SYNGR3: variants seen among roughly 807,000 people sequenced by gnomAD.
SYNGR3 encodes synaptogyrin-3.
In SYNGR3, 10 loss-of-function variants were observed where a neutral mutation model predicts 18.5. The observed-to-expected ratio is 0.54, with a 90% CI of 0.33 to 0.92. The LOEUF (loss-of-function observed/expected upper bound fraction) is 0.92. Among genes scored for constraint, SYNGR3 ranks in the 40% least tolerant of loss-of-function variants. SYNGR3 has a pLI of 0.02. For synonymous variants in SYNGR3, 188 were observed against 157.2 expected (o/e 1.20, Z -1.47); for missense variants, 335 against 332.8 (o/e 1.01, Z -0.05).
At chr16:1,990,604 C>A in intron 1 of SYNGR3, 1 of 402,040 alleles carries the variant, frequency 2.5e-6, no homozygotes. Context: ...AAGCGCCTCC[C>A]CTTCCCCCGC....
Position 1,993,160 on chromosome 16 carries a change from T to C in SYNGR3, c.*88T>C. 1 of 1,473,906 alleles carries C rather than the reference T, an allele frequency of 6.8e-7. No individual in the cohort carries two copies. Among genetic ancestry groups the C allele is most frequent in the Admixed American group, 2.0e-5 (1 of 48,794 alleles). The allele number at this position is 1,473,906 out of a possible 1,614,324, so 91.3% of individuals were successfully genotyped here. On this transcript the variant is annotated 3_prime_UTR_variant, in exon 4 of 4. Coordinates refer to ENST00000248121, the MANE Select transcript of SYNGR3 (RefSeq NM_004209.6). ...GGGACCTCCCTTGGGTCCTTCCAGC[T>C]CAGTGCCGCGGACAGAGTAGGTGGC...
chr16:1,990,606 T>G, intron 1 of SYNGR3: 1 of 398,330 alleles, frequency 2.5e-6, no homozygotes, highest in Non-Finnish European at 5.1e-6. Flanking sequence ...GCGCCTCCCC[T>G]TCCCCCGCAC....
chr16:1,993,034 G>T lies in SYNGR3; in HGVS notation c.652G>T (p.Asp218Tyr), dbSNP rs370896197. The change falls in exon 4 of 4, where the codon GAC (aspartate) becomes TAC (tyrosine). Residue 218 changes from aspartate to tyrosine, a missense_variant. Physicochemically the swap from Asp to Tyr is radical, Grantham distance 160 (BLOSUM62 -3). Transcript: ENST00000248121. ...GAGCCCGCCCTTCACCGAGACCCTGGACACCAGCCCCAAAGGGTACCAGGT... is the reference window on the plus strand; with the variant it reads ...GAGCCCGCCCTTCACCGAGACCCTGTACACCAGCCCCAAAGGGTACCAGGT... Reference protein sequence around the residue: ...YQSPPFTETLDTSPKGYQVPA... With the variant: ...YQSPPFTETLYTSPKGYQVPA... The T allele has an allele frequency of 1.2e-6, 2 of 1,611,802 alleles. No individual in the cohort carries two copies. Among genetic ancestry groups the T allele is most frequent in the African/African-American group, 2.7e-5 (2 of 74,862 alleles).
At position 1,991,773 on chromosome 16, in the gene SYNGR3, G is replaced by A; in HGVS notation, c.100-201G>A. On this transcript the variant is annotated intron_variant, in intron 1 of 3. Transcript: ENST00000248121. ...AAAGTGGCTGTTTAACACAATGTCT[G>A]GGCATAGTAGATGCTCACTAAACGG... is the stretch of plus-strand genomic sequence containing the variant. 6 of 556,084 alleles carry A rather than the reference G, an allele frequency of 1.1e-5. No individual in the cohort carries two copies. In the South Asian group the frequency reaches 1.3e-4, roughly 12 times the overall value. 34.4% of individuals were successfully genotyped at this position (556,084 alleles called of 1,614,324 possible). A position where few individuals can be genotyped will look rare whatever the true frequency, so the allele number is the denominator to read the frequency against.
chr16:1,993,363 CT>C lies in SYNGR3; in HGVS notation c.*293del. ...ACTGGCCTGGGGAAGGCTTTCCCCT[CT>C]TGGGCCACACCTGCTCACTCTGGGG... On this transcript the variant is annotated 3_prime_UTR_variant, in exon 4 of 4. Coordinates refer to ENST00000248121, the MANE Select transcript of SYNGR3 (RefSeq NM_004209.6). 2 of 616,204 alleles carry C rather than the reference CT, an allele frequency of 3.2e-6. No homozygotes were observed. The highest frequency in any genetic ancestry group is 6.4e-5 in the East Asian group (2 of 31,228). The allele number at this position is 616,204 out of a possible 1,614,324, so 38.2% of individuals were successfully genotyped here.
In SYNGR3 at chr16:1,992,762, T is replaced by C; in HGVS notation, c.464T>C (p.Phe155Ser). 1 of 1,572,132 alleles carries C rather than the reference T, an allele frequency of 6.4e-7. No homozygotes were observed. Among genetic ancestry groups the C allele is most frequent in the Non-Finnish European group, 8.6e-7 (1 of 1,163,290 alleles). The change falls in exon 3 of 4, where the codon TTC (phenylalanine) becomes TCC (serine). Residue 155 changes from phenylalanine to serine, a missense_variant. Coordinates refer to ENST00000248121, the MANE Select transcript of SYNGR3 (RefSeq NM_004209.6). ...CGGGCCGCCATCGCCTTCAGCTTCT[T>C]CTCCATCCTCAGCTGGGTGAGTGCG... ...AARAAIAFSF[F>S]SILSWVALTV...
At chr16:1,992,482 G>A in intron 2 of SYNGR3, 154 bp from the exon 3 acceptor site, 2 of 1,099,722 alleles carry the variant, frequency 1.8e-6, no homozygotes, top group Non-Finnish European at 2.4e-6. Flanking sequence ...GGGTGGGCGG[G>A]GTCAGCGCAG....
At chr16:1,990,276 C>T (rs1398328421) in intron 1 of SYNGR3, 75 bp downstream of exon 1, 4 of 605,252 alleles carry the variant, frequency 6.6e-6, no homozygotes, top group Non-Finnish European at 9.0e-6. Flanking sequence ...CCCCCTGCCC[C>T]CTACCCCCTG....
Position 1,993,708 on chromosome 16 carries a change from G to A in SYNGR3, c.*636G>A. 1 of 413,184 alleles carries A rather than the reference G, an allele frequency of 2.4e-6. No homozygotes were observed. The highest frequency in any genetic ancestry group is 4.9e-6 in the Non-Finnish European group (1 of 203,332). 25.6% of individuals were successfully genotyped at this position (413,184 alleles called of 1,614,324 possible). A position where few individuals can be genotyped will look rare whatever the true frequency, so the allele number is the denominator to read the frequency against. The stretch of plus-strand genomic sequence containing the variant: ...GGCCCCGGCCCCTGCCCAGGTGTGG[G>A]TGGTTCTGGCCAGGAAGGCACAAGG... On this transcript the variant is annotated 3_prime_UTR_variant, in exon 4 of 4. Coordinates refer to ENST00000248121, the MANE Select transcript of SYNGR3 (RefSeq NM_004209.6).
rs1017452994 is a variant in SYNGR3 at position 1,993,930 on chromosome 16, C to T, written c.*858C>T. 3 of 257,714 alleles carry T rather than the reference C, an allele frequency of 1.2e-5. No individual in the cohort carries two copies. The highest frequency in any genetic ancestry group is 6.7e-5 in the African/African-American group (3 of 44,566). 16.0% of individuals were successfully genotyped at this position (257,714 alleles called of 1,614,324 possible). Reference sequence around the variant, plus strand: ...CTTGGCTTCCTGGCCCAGTCCCTGCCTCTCCACCTGCACCCTGCTTCCTGG... The same window carrying T: ...CTTGGCTTCCTGGCCCAGTCCCTGCTTCTCCACCTGCACCCTGCTTCCTGG... On this transcript the variant is annotated 3_prime_UTR_variant, in exon 4 of 4. Transcript: ENST00000248121.
intron 1 of SYNGR3, chr16:1,991,728 T>G (rs2083604742): frequency 6.1e-6 from 3 of 492,414 alleles, no homozygotes; most frequent in East Asian, 7.2e-5. Flanking sequence ...TTTCTGAGGA[T>G]TTGGTGAGGG....
chr16:1,991,343 A>G (rs2083602655), intron 1 of SYNGR3: 1 of 152,692 alleles, frequency 6.5e-6, no homozygotes, highest in African/African-American at 2.4e-5. Flanking sequence ...CTGTCCCAGC[A>G]CTGCATGAGC....
chr16:1,992,662 G>A lies in SYNGR3; in HGVS notation c.364G>A (p.Gly122Ser), dbSNP rs756001391. The change falls in exon 3 of 4, where the codon GGC (glycine) becomes AGC (serine). Residue 122 changes from glycine (G) to serine (S), a missense_variant. Coordinates refer to ENST00000248121, the MANE Select transcript of SYNGR3 (RefSeq NM_004209.6). ...ACTCTGGTCCTTCCTGTGGTTCGTG[G>A]GCTTCTGCTTCCTCACCAATCAGTG... The part of the protein sequence containing the change: ...SGLWSFLWFV[G>S]FCFLTNQWQR... 6.2e-7 allele frequency: 1 copy of A among 1,606,444 alleles called. No individual in the cohort carries two copies. Among genetic ancestry groups the A allele is most frequent in the Non-Finnish European group, 8.5e-7 (1 of 1,177,794 alleles).
chr16:1,993,834 C>A lies in SYNGR3; in HGVS notation c.*762C>A, dbSNP rs998434433. 4 of 337,758 alleles carry A rather than the reference C, an allele frequency of 1.2e-5. No homozygotes were observed. The highest frequency in any genetic ancestry group is 2.3e-5 in the Non-Finnish European group (4 of 170,912). 20.9% of individuals were successfully genotyped at this position (337,758 alleles called of 1,614,324 possible). A position where few individuals can be genotyped will look rare whatever the true frequency, so the allele number is the denominator to read the frequency against. ...GTGCCAGGCAAGACAAGCCCCTCAG[C>A]AGGAGAGAGGCCCAGAGGCTCCAGC... is the stretch of plus-strand genomic sequence containing the variant. On this transcript the variant is annotated 3_prime_UTR_variant, in exon 4 of 4. Transcript: ENST00000248121.
intron 1 of SYNGR3, 198 bp downstream of exon 1, chr16:1,990,399 A>C: frequency 2.9e-6 from 1 of 339,574 alleles, no homozygotes; most frequent in South Asian, 3.1e-5. Context: ...CTGCGGGCGG[A>C]GGAGGGGCCG....
Position 1,992,895 on chromosome 16 carries a change from C to A in SYNGR3, c.513C>A (p.Phe171Leu). The A allele has an allele frequency of 1.9e-6, 3 of 1,602,272 alleles. No individual in the cohort carries two copies. The highest frequency in any genetic ancestry group is 2.6e-6 in the Non-Finnish European group (3 of 1,173,956). The change falls in exon 4 of 4, where the codon TTC becomes TTA. Residue 171 changes from phenylalanine to leucine, a missense_variant. Coordinates refer to ENST00000248121, the MANE Select transcript of SYNGR3 (RefSeq NM_004209.6). ...TCACCGTGAAGGCCCTGCAGCGGTT[C>A]CGCCTGGGCACCGACATGTCACTCT... ...VALTVKALQR[F>L]RLGTDMSLFA...
At chr16:1,991,924 C>G in intron 1 of SYNGR3, 50 bp from the exon 2 acceptor site, 2 of 1,511,044 alleles carry the variant, frequency 1.3e-6, no homozygotes, top group African/African-American at 2.8e-5. Context: ...TCGAGGCGGG[C>G]TCGCAGAGGT....
chr16:1,994,056 T>C lies in SYNGR3; in HGVS notation c.*984T>C. 6.1e-6 allele frequency: 1 copy of C among 163,576 alleles called. No individual in the cohort carries two copies. Among genetic ancestry groups the C allele is most frequent in the East Asian group, 1.8e-4 (1 of 5,626 alleles). 10.1% of individuals were successfully genotyped at this position (163,576 alleles called of 1,614,324 possible). A position where few individuals can be genotyped will look rare whatever the true frequency, so the allele number is the denominator to read the frequency against. The stretch of plus-strand genomic sequence containing the variant: ...CAACACCAAACGTGGTTGCCACATT[T>C]CATCAGACAGACACCTCCCTCTGGA... On this transcript the variant is annotated 3_prime_UTR_variant, in exon 4 of 4. Coordinates refer to ENST00000248121, the MANE Select transcript of SYNGR3 (RefSeq NM_004209.6).
Position 1,992,129 on chromosome 16 carries a change from CCTG to C in SYNGR3, c.261_263del (p.Leu88del), listed in dbSNP as rs1266473135. ...GAGCCTTCCTCGCCTGCGCCGCCTT[CCTG>C]CTGCTCGATGTGCGCTTCCAGCAAA... On this transcript the variant is annotated inframe_deletion, in exon 2 of 4. Coordinates refer to ENST00000248121, the MANE Select transcript of SYNGR3 (RefSeq NM_004209.6). 3 of 1,543,002 alleles carry C rather than the reference CCTG, an allele frequency of 1.9e-6. No individual in the cohort carries two copies. The highest frequency in any genetic ancestry group is 2.6e-6 in the Non-Finnish European group (3 of 1,146,944).
Sources: gnomAD v4.1 joint callset for allele counts on GRCh38, gnomAD v4.1.1 for gene constraint, MANE v1.5 for transcripts, NCBI Gene and HGNC (gene_info 2026-07-23, HGNC 2026-07-21) for gene names.